Variants in NEDD4 observed in about 807,000 individuals in gnomAD.
NEDD4 encodes NEDD4 E3 ubiquitin protein ligase.
NEDD4 carries 99 observed loss-of-function variants against 144.9 expected under a neutral mutation model. The ratio of observed to expected loss-of-function variants is 0.68; its 90% CI spans 0.58 to 0.81. The LOEUF is 0.81. NEDD4 is among the 30% of genes least tolerant of loss of function. The pLI, the probability that NEDD4 is intolerant of heterozygous loss-of-function variation, is 0.00. For missense variants in NEDD4, 985 were observed against 1,065.9 expected (o/e 0.92, Z 1.06); for synonymous variants, 318 against 350.6 (o/e 0.91, Z 1.04).
At chr15:55,876,998 C>A (rs1595784532) in intron 5 of NEDD4, among the ~76,000 whole-genome samples, 1 of 151,704 alleles carries the variant, frequency 6.6e-6, no homozygotes, top group Non-Finnish European at 1.5e-5. Flanking sequence ...AGCCACTGTG[C>A]CCAGCCAACT....
chr15:55,947,595 T>C (rs1327530098), intron 4 of NEDD4, among the ~76,000 whole-genome samples: 5 of 151,832 alleles, frequency 3.3e-5, no homozygotes, highest in African/African-American at 1.2e-4. Context: ...TACAAGGAGC[T>C]TATCCACCAT....
intron 1 of NEDD4, among the ~76,000 whole-genome samples, chr15:55,983,305 C>T (rs555714057): frequency 1.3e-5 from 2 of 151,840 alleles, no homozygotes; most frequent in East Asian, 1.9e-4. Context: ...TGTGTGCGTG[C>T]GCGCGCGTGC....
chr15:55,915,113 T>C (rs1428832712), intron 5 of NEDD4, among the ~76,000 whole-genome samples: 2 of 152,122 alleles, frequency 1.3e-5, no homozygotes, highest in Admixed American at 6.6e-5. Context: ...AGTAAAAAAC[T>C]ATACATAGAG....
At chr15:55,874,526 C>G (rs1390388914) in intron 5 of NEDD4, among the ~76,000 whole-genome samples, 4 of 152,150 alleles carry the variant, frequency 2.6e-5, no homozygotes, top group South Asian at 2.1e-4. Flanking sequence ...TCTTCCAAAT[C>G]TATATATAAA....
At chr15:55,877,732 T>A (rs142685907) in intron 5 of NEDD4, among the ~76,000 whole-genome samples, 2 of 152,178 alleles carry the variant, frequency 1.3e-5, no homozygotes, top group East Asian at 3.8e-4. Flanking sequence ...ATTATTCTGC[T>A]TAAGCAAAGA....
rs1432468624 is a variant in NEDD4, at chr15:55,874,134, C to G, written c.292-126G>C. 5 of 481,026 alleles carry G rather than the reference C, an allele frequency of 1.0e-5. No homozygotes were observed. In the East Asian group the frequency reaches 1.6e-4, roughly 15 times the overall value. 29.8% of individuals were successfully genotyped at this position (481,026 alleles called of 1,614,324 possible). On this transcript the variant is annotated intron_variant, in intron 5 of 28. Coordinates refer to ENST00000435532, the MANE Select transcript of NEDD4 (RefSeq NM_006154.4). Reference sequence around the variant, plus strand: ...TTTTTTATTCAGTCATATGCAGCATCAATGGAAAATAAAAAGTAATGTGGT... The same window carrying G: ...TTTTTTATTCAGTCATATGCAGCATGAATGGAAAATAAAAAGTAATGTGGT...
At chr15:55,902,289 G>A (rs1222016394) in intron 5 of NEDD4, among the ~76,000 whole-genome samples, 1 of 152,182 alleles carries the variant, frequency 6.6e-6, no homozygotes. Context: ...CAAGTCAAAA[G>A]AGATGTATCC....
intron 2 of NEDD4, among the ~76,000 whole-genome samples, chr15:55,964,054 T>C (rs1263548459): frequency 6.6e-6 from 1 of 152,166 alleles, no homozygotes; most frequent in African/African-American, 2.4e-5. Flanking sequence ...TATACTTGGC[T>C]TTCAACAGTT....
At chr15:55,938,187 T>C (rs1243040453) in intron 4 of NEDD4, among the ~76,000 whole-genome samples, 5 of 152,026 alleles carry the variant, frequency 3.3e-5, no homozygotes, top group African/African-American at 9.7e-5. Flanking sequence ...AGTGAAACCC[T>C]GTCTCTACTA....
chr15:55,906,587 A>T (rs1469585358), intron 5 of NEDD4, among the ~76,000 whole-genome samples: 1 of 148,950 alleles, frequency 6.7e-6, no homozygotes, highest in Non-Finnish European at 1.5e-5. Flanking sequence ...AACAATGAGA[A>T]CACTTGGACA....
intron 18 of NEDD4, 40 bp from the exon 19 acceptor site, chr15:55,842,203 C>T (rs2033545252): frequency 6.6e-7 from 1 of 1,523,268 alleles, no homozygotes; most frequent in Non-Finnish European, 9.1e-7. Context: ...TAAATCAGTT[C>T]AACATAATAA....
intron 1 of NEDD4, among the ~76,000 whole-genome samples, chr15:55,986,459 C>G (rs1743581850): frequency 6.6e-6 from 1 of 151,876 alleles, no homozygotes; most frequent in African/African-American, 2.4e-5. Flanking sequence ...GCGAAGAACA[C>G]AGCATCATTT....
chr15:55,929,550 C>T (rs533071517), intron 4 of NEDD4, among the ~76,000 whole-genome samples: 5 of 152,194 alleles, frequency 3.3e-5, no homozygotes, highest in African/African-American at 9.6e-5. Context: ...TGTGTACTCA[C>T]GTTTAACTTC....
At chr15:55,974,305 C>T (rs1223533200) in intron 1 of NEDD4, among the ~76,000 whole-genome samples, 1 of 152,132 alleles carries the variant, frequency 6.6e-6, no homozygotes, top group African/African-American at 2.4e-5. Context: ...AGCCTAGGAC[C>T]TGATGGCTTC....
intron 5 of NEDD4, among the ~76,000 whole-genome samples, chr15:55,906,596 C>A (rs1355123031): frequency 6.9e-6 from 1 of 144,998 alleles, no homozygotes; most frequent in African/African-American, 2.6e-5. Context: ...AACACTTGGA[C>A]ACAAGAAGGG....
chr15:55,973,070 AG>A, intron 1 of NEDD4, among the ~76,000 whole-genome samples: 1 of 151,528 alleles, frequency 6.6e-6, no homozygotes, highest in Non-Finnish European at 1.5e-5. Flanking sequence ...GGCACTGGAT[AG>A]ATCATTCAGA....
chr15:55,976,628 T>A (rs1238595956), intron 1 of NEDD4, among the ~76,000 whole-genome samples: 20 of 28,518 alleles, frequency 7.0e-4, no homozygotes, highest in African/African-American at 1.4e-3. Context: ...TGGGCAAAAA[T>A]TTTTTTTTTT....
chr15:55,981,512 GA>G (rs2037803756), intron 1 of NEDD4, among the ~76,000 whole-genome samples: 1 of 152,154 alleles, frequency 6.6e-6, no homozygotes, highest in Admixed American at 6.5e-5. Context: ...ATAAGTGGAA[GA>G]TCACCCATAA....
chr15:55,941,121 T>C (rs189020112), intron 4 of NEDD4, among the ~76,000 whole-genome samples: 1 of 152,152 alleles, frequency 6.6e-6, no homozygotes, highest in Non-Finnish European at 1.5e-5. Flanking sequence ...GTACTCTCTC[T>C]GTCTCTCTCA....
Sources: allele counts gnomAD v4.1 joint callset (sites outside exome capture counted in the v4.1 genomes callset), GRCh38; gene constraint gnomAD v4.1.1; transcripts MANE v1.5; gene names NCBI Gene and HGNC (gene_info 2026-07-23, HGNC 2026-07-21).